Variants in ANKFY1 observed in about 807,000 individuals in gnomAD.
The protein encoded by ANKFY1 is ankyrin repeat and FYVE domain-containing protein 1.
ANKFY1 carries 47 observed loss-of-function variants against 128.3 expected under a neutral mutation model. That is an observed-to-expected ratio of 0.37 (90% confidence interval 0.29 to 0.47). The LOEUF is 0.47. Among genes scored for constraint, ANKFY1 ranks in the 20% least tolerant of loss-of-function variants. The pLI is 1.00. For missense variants in ANKFY1, 1,222 were observed against 1,510.6 expected, an observed-to-expected ratio of 0.81 and a Z score of 3.17; for synonymous variants, 553 against 601.6, an observed-to-expected ratio of 0.92 and a Z score of 1.18.
intron 4 of ANKFY1, among the ~76,000 whole-genome samples, chr17:4,215,573 C>G (rs1190077329): frequency 6.6e-6 from 1 of 152,126 alleles, no homozygotes; most frequent in African/African-American, 2.4e-5. Flanking sequence ...TGACTCCACT[C>G]CCGGTGTCTT....
At chr17:4,232,056 C>T (rs927890866) in intron 3 of ANKFY1, among the ~76,000 whole-genome samples, 1 of 151,810 alleles carries the variant, frequency 6.6e-6, no homozygotes, top group Non-Finnish European at 1.5e-5. Context: ...TAATTTTGTA[C>T]ACTTTGTATC....
Position 4,178,792 on chromosome 17 carries a change from T to C in ANKFY1, c.2598+65A>G, listed in dbSNP as rs966990163. On this transcript the variant is annotated intron_variant, in intron 18 of 24. Coordinates refer to ENST00000341657, the MANE Select transcript of ANKFY1 (RefSeq NM_001330063.2). This position sits in a 1 kb window ranked among gnomAD's most constrained non-coding sequence, Gnocchi z 4.1. ...GGAGACCTGTTTAGTCGGTGACATC[T>C]GTCTAGTCTCCAGGTTCCGCGACGC... The C allele has an allele frequency of 2.0e-6, 3 of 1,476,772 alleles. No individual in the cohort carries two copies. Among genetic ancestry groups the C allele is most frequent in the African/African-American group, 2.8e-5 (2 of 72,072 alleles). The allele number at this position is 1,476,772 out of a possible 1,614,324, so 91.5% of individuals were successfully genotyped here.
intron 11 of ANKFY1, 31 bp downstream of exon 11, chr17:4,189,351 C>T (rs369320131): frequency 3.9e-6 from 6 of 1,533,508 alleles, no homozygotes; most frequent in South Asian, 3.6e-5. Context: ...TAGATCAACA[C>T]CATTTTCTCC....
At chr17:4,172,907 T>A (rs111245698) in intron 21 of ANKFY1, among the ~76,000 whole-genome samples, 1 of 152,382 alleles carries the variant, frequency 6.6e-6, no homozygotes, top group African/African-American at 2.4e-5. Flanking sequence ...TCACCCAGGC[T>A]GGAGTGCAGT....
intron 23 of ANKFY1, 63 bp downstream of exon 23, chr17:4,170,651 AT>A: frequency 6.5e-7 from 1 of 1,547,956 alleles, no homozygotes; most frequent in South Asian, 1.2e-5. Flanking sequence ...CACCAATACA[AT>A]ACATGGCGAT....
chr17:4,228,873 G>A (rs2060469246), intron 3 of ANKFY1, among the ~76,000 whole-genome samples: 1 of 152,178 alleles, frequency 6.6e-6, no homozygotes, highest in Non-Finnish European at 1.5e-5. Flanking sequence ...AGGCAGCACG[G>A]CACTGTGGTT....
At position 4,183,848 on chromosome 17, in the gene ANKFY1, G is replaced by A; in HGVS notation, c.1762C>T (p.Arg588Ter). Residue 588 changes from arginine to a stop codon, truncating the protein, a stop_gained, in exon 13 of 25, where the codon CGA (arginine) becomes TGA (stop). Coordinates refer to ENST00000341657, the MANE Select transcript of ANKFY1 (RefSeq NM_001330063.2). LOFTEE classifies it high-confidence loss of function. ...IIPDFSLKDS[R>*]DQTVLGLALW... ...GCCAGGCCCAGCACAGTCTGGTCTC[G>A]GGAATCTTTGAGGCTGAAGTCCGGA... The A allele has an allele frequency of 6.2e-7, 1 of 1,613,904 alleles. No homozygotes were observed. Among genetic ancestry groups the A allele is most frequent in the Non-Finnish European group, 8.5e-7 (1 of 1,179,798 alleles).
intron 1 of ANKFY1, among the ~76,000 whole-genome samples, chr17:4,245,069 C>T (rs1053958796): frequency 6.6e-6 from 1 of 152,154 alleles, no homozygotes; most frequent in Admixed American, 6.5e-5. Context: ...CCTCCTAGAC[C>T]TCTGACACCA....
intron 3 of ANKFY1, among the ~76,000 whole-genome samples, chr17:4,233,847 G>A (rs916190076): frequency 2.6e-5 from 4 of 152,156 alleles, no homozygotes; most frequent in African/African-American, 9.7e-5. Flanking sequence ...CTGGCACTGC[G>A]CATGGAAAAC....
intron 1 of ANKFY1, among the ~76,000 whole-genome samples, chr17:4,250,119 C>T (rs977923391): frequency 1.4e-4 from 21 of 152,262 alleles, no homozygotes; most frequent in African/African-American, 2.9e-4. Flanking sequence ...CTTTCTAAAA[C>T]GGCACAGTGC....
chr17:4,190,724 TA>T (rs2059701880), intron 10 of ANKFY1, among the ~76,000 whole-genome samples: 1 of 152,170 alleles, frequency 6.6e-6, no homozygotes, highest in South Asian at 2.1e-4. Context: ...GTTTTAGCCC[TA>T]AAACAGTGTT....
intron 4 of ANKFY1, among the ~76,000 whole-genome samples, chr17:4,215,571 C>T (rs751609906): frequency 1.3e-5 from 2 of 152,138 alleles, no homozygotes. Context: ...CTTGACTCCA[C>T]TCCCGGTGTC....
intron 20 of ANKFY1, 34 bp from the exon 21 acceptor site, chr17:4,173,478 G>C: frequency 6.3e-7 from 1 of 1,599,872 alleles, no homozygotes; most frequent in Non-Finnish European, 8.6e-7. Context: ...TGCAAGCCCA[G>C]AAGCACATGC....
intron 19 of ANKFY1, among the ~76,000 whole-genome samples, chr17:4,175,650 G>C (rs1437394081): frequency 3.9e-5 from 6 of 152,122 alleles, no homozygotes; most frequent in Non-Finnish European, 8.8e-5. Context: ...AGCCTCCCCA[G>C]AACTCTGGGC....
intron 3 of ANKFY1, among the ~76,000 whole-genome samples, chr17:4,229,285 G>A (rs1598114075): frequency 1.3e-5 from 2 of 151,910 alleles, no homozygotes; most frequent in African/African-American, 4.8e-5. Context: ...TTAGCCAGGC[G>A]TGGTGGCGGG....
chr17:4,215,335 G>C (rs75785584), intron 4 of ANKFY1, among the ~76,000 whole-genome samples: 5,515 of 149,532 alleles, frequency 0.037, 336 homozygotes, highest in African/African-American at 0.13. Context: ...TGTGCCCTCC[G>C]TGGTAGAAAA....
At chr17:4,211,281 C>T (rs1304295997) in intron 4 of ANKFY1, among the ~76,000 whole-genome samples, 3 of 151,156 alleles carry the variant, frequency 2.0e-5, no homozygotes, top group Non-Finnish European at 4.4e-5. Context: ...CCTGTAGTCC[C>T]AGATACTGGG....
In ANKFY1 at chr17:4,169,023, A is replaced by G. The variant is rs1367678635; in HGVS notation, c.3377+175T>C. The G allele has an allele frequency of 3.4e-6, 2 of 582,170 alleles. No homozygotes were observed. The highest frequency in any genetic ancestry group is 6.1e-6 in the Non-Finnish European group (2 of 325,928). The allele number at this position is 582,170 out of a possible 1,614,324, so 36.1% of individuals were successfully genotyped here. On this transcript the variant is annotated intron_variant, in intron 24 of 24. Transcript: ENST00000341657. The surrounding 1 kb of genome is among the most constrained non-coding windows in gnomAD (Gnocchi z 5.0). ...TCTGCAGGCTCCCTGCCTTCCCTAC[A>G]TCTCTGTTCCTCAGTAGGATCCTTG... is the stretch of plus-strand genomic sequence containing the variant.
rs2059179752 is a variant in ANKFY1, at chr17:4,164,630, G to C, written c.*3149C>G. The C allele has an allele frequency of 6.6e-6, 1 of 152,248 alleles. No individual in the cohort carries two copies. Among genetic ancestry groups the C allele is most frequent in the African/African-American group, 2.4e-5 (1 of 41,460 alleles). The allele number at this position is 152,248 out of a possible 1,614,324, so 9.4% of individuals were successfully genotyped here. A position where few individuals can be genotyped will look rare whatever the true frequency, so the allele number is the denominator to read the frequency against. Reference sequence around the variant, plus strand: ...GTGAAGCATTACATAGTTCAAAAGTGTTCTTTTTCTCCAGATAAAAGAAAC... The same window carrying C: ...GTGAAGCATTACATAGTTCAAAAGTCTTCTTTTTCTCCAGATAAAAGAAAC... On this transcript the variant is annotated 3_prime_UTR_variant, in exon 25 of 25. Transcript: ENST00000341657.
Sources: gnomAD v4.1 joint callset for allele counts (sites outside exome capture counted in the v4.1 genomes callset) on GRCh38, gnomAD v4.1.1 for gene constraint, Gnocchi (gnomAD v3.1) non-coding constraint, MANE v1.5 for transcripts, NCBI Gene and HGNC (gene_info 2026-07-23, HGNC 2026-07-21) for gene names.